MARCHF1: variants seen among roughly 807,000 people sequenced by gnomAD.
MARCHF1 encodes E3 ubiquitin-protein ligase MARCHF1.
Under a neutral mutation model 54.2 loss-of-function variants are expected in MARCHF1, and 40 were observed. That is an observed-to-expected ratio of 0.74 (90% CI 0.57 to 0.96). MARCHF1 has a LOEUF of 0.96. Among genes scored for constraint, MARCHF1 ranks in the 40% least tolerant of loss-of-function variants. The probability of loss-of-function intolerance (pLI) is 0.00; values close to 1 mark genes in which losing one functional copy is unlikely to be tolerated. For missense variants in MARCHF1, 586 were observed against 656.5 expected (o/e 0.89, Z 1.17); for synonymous variants, 236 against 236.3 (o/e 1.00, Z 0.01).
intron 8 of MARCHF1, among the ~76,000 whole-genome samples, chr4:163,577,669 T>TA (rs1740085220): frequency 6.6e-6 from 1 of 152,042 alleles, no homozygotes; most frequent in Non-Finnish European, 1.5e-5. Context: ...TTTCCTAAAT[T>TA]ATGTTTTCTA....
At chr4:164,214,691 G>T (rs1731878055) in intron 1 of MARCHF1, among the ~76,000 whole-genome samples, 1 of 152,122 alleles carries the variant, frequency 6.6e-6, no homozygotes, top group African/African-American at 2.4e-5. Flanking sequence ...AGGGTCTTTG[G>T]TAAGCAAAAT....
At chr4:163,933,036 T>C in intron 3 of MARCHF1, 1 of 1,472,148 alleles carries the variant, frequency 6.8e-7, no homozygotes, top group East Asian at 2.6e-5. Flanking sequence ...TGCGGTTAAC[T>C]TTTCTGTATT....
chr4:163,775,771 T>C (rs911231619), intron 4 of MARCHF1, among the ~76,000 whole-genome samples: 5 of 151,894 alleles, frequency 3.3e-5, no homozygotes, highest in Admixed American at 1.3e-4. Context: ...TTGATCTGAG[T>C]TGAGTGGATA....
intron 4 of MARCHF1, among the ~76,000 whole-genome samples, chr4:163,806,685 CT>C (rs1212452741): frequency 6.6e-6 from 1 of 152,088 alleles, no homozygotes; most frequent in Non-Finnish European, 1.5e-5. Flanking sequence ...GAAAAAGAAG[CT>C]AGCATGCAAG....
rs1327005165 is a variant in MARCHF1 at position 164,340,405 on chromosome 4, T to TTTTATATATATATATATA, written c.-323+43464_-323+43465insTATATATATATATATAAA. On this transcript the variant is annotated intron_variant, in intron 1 of 9. Transcript: ENST00000514618. ...ACAGCACATGCCACCAGGCCTTGAT[T>TTTTATATATATATATATA]TATATATAGATATATATATATATAT... Among the ~76,000 whole-genome samples, 404 of 95,540 alleles carry TTTTATATATATATATATA rather than the reference T, an allele frequency of 4.2e-3. 39 individuals carry two copies. The highest frequency in any genetic ancestry group is 0.019 in the Middle Eastern group (4 of 208). The allele number at this position is 95,540 out of a possible 152,430, so 62.7% of individuals were successfully genotyped here.
intron 1 of MARCHF1, among the ~76,000 whole-genome samples, chr4:164,176,939 G>T (rs1730679185): frequency 1.9e-5 from 1 of 53,618 alleles, no homozygotes; most frequent in African/African-American, 6.1e-5. Context: ...AGTACCTTGT[G>T]CGCTCTCTCT....
At chr4:163,774,719 C>T (rs1378740076) in intron 4 of MARCHF1, among the ~76,000 whole-genome samples, 2 of 152,206 alleles carry the variant, frequency 1.3e-5, no homozygotes, top group Admixed American at 6.5e-5. Flanking sequence ...TGGTCTTGAA[C>T]TCCTGACCTC....
chr4:163,757,729 TATCTGATCG>T (rs1197935972), intron 4 of MARCHF1, among the ~76,000 whole-genome samples: 3 of 152,342 alleles, frequency 2.0e-5, no homozygotes, highest in African/African-American at 7.2e-5. Context: ...TCTGTTGACC[TATCTGATCG>T]TAAATTTTTA....
chr4:164,233,684 A>T (rs1732475416), intron 1 of MARCHF1, among the ~76,000 whole-genome samples: 3 of 152,000 alleles, frequency 2.0e-5, no homozygotes, highest in South Asian at 2.1e-4. Flanking sequence ...ATCCTCCAAG[A>T]TGGCCCATTT....
intron 5 of MARCHF1, among the ~76,000 whole-genome samples, chr4:163,699,434 A>G (rs911843103): frequency 2.0e-5 from 3 of 152,192 alleles, no homozygotes; most frequent in African/African-American, 7.2e-5. Flanking sequence ...ATTGTCCTGA[A>G]AAAACTGGGC....
intron 4 of MARCHF1, among the ~76,000 whole-genome samples, chr4:163,827,174 G>A (rs1284184906): frequency 1.3e-5 from 2 of 151,842 alleles, no homozygotes; most frequent in African/African-American, 4.8e-5. Context: ...AATAAGATTT[G>A]TAGTGATATA....
intron 4 of MARCHF1, among the ~76,000 whole-genome samples, chr4:163,751,065 A>C (rs1473566104): frequency 6.6e-6 from 1 of 152,136 alleles, no homozygotes; most frequent in Non-Finnish European, 1.5e-5. Flanking sequence ...TCTCATACTT[A>C]ATGGTGTAAT....
chr4:164,194,252 C>A lies in MARCHF1; in HGVS notation c.-322-82590G>T, dbSNP rs1174554368. 2.6e-5 allele frequency among the ~76,000 whole-genome samples: 4 copies of A among 152,016 alleles called. No homozygotes were observed. In the East Asian group the frequency reaches 5.8e-4, roughly 22 times the overall value. ...AATTGTGTGGATTTTTTTCTTTTAG[C>A]TTTTTCTGCCTATAGCGCCAACAAA... On this transcript the variant is annotated intron_variant, in intron 1 of 9. Transcript: ENST00000514618.
intron 4 of MARCHF1, among the ~76,000 whole-genome samples, chr4:163,771,387 T>C (rs929567380): frequency 2.6e-5 from 4 of 152,188 alleles, no homozygotes; most frequent in African/African-American, 9.7e-5. Flanking sequence ...GGCTGCTGTA[T>C]CAAAATACCA....
chr4:163,977,789 A>G (rs933342409), intron 3 of MARCHF1, among the ~76,000 whole-genome samples: 3 of 152,214 alleles, frequency 2.0e-5, no homozygotes, highest in African/African-American at 7.2e-5. Flanking sequence ...CATTTCTCTA[A>G]GCACTCAGAT....
intron 9 of MARCHF1, among the ~76,000 whole-genome samples, chr4:163,539,654 T>C (rs13152248): frequency 1.3e-5 from 2 of 152,222 alleles, no homozygotes; most frequent in Non-Finnish European, 2.9e-5. Context: ...GAAGTCTAGT[T>C]AGTTGTCAGC....
intron 2 of MARCHF1, among the ~76,000 whole-genome samples, chr4:164,010,504 T>C (rs1490798249): frequency 1.3e-5 from 2 of 152,020 alleles, no homozygotes; most frequent in Non-Finnish European, 2.9e-5. Flanking sequence ...CAGGAAAAGA[T>C]ACATATATCC....
intron 4 of MARCHF1, among the ~76,000 whole-genome samples, chr4:163,719,338 T>C (rs1044653528): frequency 9.2e-5 from 14 of 152,206 alleles, no homozygotes; most frequent in African/African-American, 3.1e-4. Flanking sequence ...GCTTCATCCA[T>C]GTCCCTACAA....
intron 4 of MARCHF1, among the ~76,000 whole-genome samples, chr4:163,719,166 G>C (rs1745358942): frequency 6.6e-6 from 1 of 151,906 alleles, no homozygotes; most frequent in Admixed American, 6.6e-5. Flanking sequence ...ATCTCCTAAT[G>C]CTTTCCCTCC....
Sources: allele counts gnomAD v4.1 joint callset (sites outside exome capture counted in the v4.1 genomes callset), GRCh38; gene constraint gnomAD v4.1.1; transcripts MANE v1.5; gene names NCBI Gene and HGNC (gene_info 2026-07-23, HGNC 2026-07-21).